Variants in LRCH1 observed in about 807,000 individuals in gnomAD.
The protein encoded by LRCH1 is leucine rich repeats and calponin homology domain containing 1, also known as leucine-rich repeat and calponin homology domain-containing protein 1.
In LRCH1, 23 loss-of-function variants were observed where a neutral mutation model predicts 94.9. That is an observed-to-expected ratio of 0.24 (90% confidence interval 0.17 to 0.34). LRCH1 has a LOEUF of 0.34. LRCH1 is among the 10% of genes least tolerant of loss of function. The pLI, the probability that LRCH1 is intolerant of heterozygous loss-of-function variation, is 1.00. For synonymous variants in LRCH1, 364 were observed against 354.9 expected, an observed-to-expected ratio of 1.03 and a Z score of -0.29; for missense variants, 790 against 945.9, an observed-to-expected ratio of 0.84 and a Z score of 2.16.
Position 46,664,180 on chromosome 13 carries a change from A to G in LRCH1, c.453-4850A>G, listed in dbSNP as rs1455862670. On this transcript the variant is annotated intron_variant, in intron 2 of 19. Coordinates refer to ENST00000389797, the MANE Select transcript of LRCH1 (RefSeq NM_001164211.2). ...GGTATATGTTTTCAGTGAGGGAAAC[A>G]TTAAACCATATTTTAAAGGTGGCTA... Among the ~76,000 whole-genome samples, 3 of 152,242 alleles carry G rather than the reference A, an allele frequency of 2.0e-5. 1 individual carries two copies. The highest frequency in any genetic ancestry group is 2.0e-4 in the Admixed American group (3 of 15,290).
chr13:46,707,837 A>G (rs1871846532), intron 13 of LRCH1, among the ~76,000 whole-genome samples: 1 of 152,182 alleles, frequency 6.6e-6, no homozygotes, highest in Admixed American at 6.5e-5. Context: ...GTCAAGCACC[A>G]CTCTGGACAC....
intron 1 of LRCH1, among the ~76,000 whole-genome samples, chr13:46,563,214 A>G (rs1425324690): frequency 1.3e-5 from 2 of 152,230 alleles, no homozygotes; most frequent in Admixed American, 6.5e-5. Context: ...ATATAAAGGC[A>G]TAGTTCCACC....
At chr13:46,586,486 G>C (rs947324100) in intron 1 of LRCH1, among the ~76,000 whole-genome samples, 33 of 152,148 alleles carry the variant, frequency 2.2e-4, no homozygotes, top group African/African-American at 8.0e-4. Flanking sequence ...TGCAATCTTA[G>C]CTCACTGCAG....
At chr13:46,601,286 C>T (rs1391347997) in intron 1 of LRCH1, among the ~76,000 whole-genome samples, 1 of 152,190 alleles carries the variant, frequency 6.6e-6, no homozygotes, top group African/African-American at 2.4e-5. Flanking sequence ...CTACAGAAAA[C>T]AGCAAAGCAT....
chr13:46,635,902 C>T (rs181383006), intron 1 of LRCH1, among the ~76,000 whole-genome samples: 216 of 152,150 alleles, frequency 1.4e-3, no homozygotes, highest in Middle Eastern at 3.4e-3. Flanking sequence ...ATACCATGCC[C>T]CTCTCCAGCT....
intron 13 of LRCH1, among the ~76,000 whole-genome samples, chr13:46,709,600 T>C (rs1325658461): frequency 3.9e-5 from 6 of 152,146 alleles, no homozygotes; most frequent in Admixed American, 3.9e-4. Flanking sequence ...TAAAAACGCA[T>C]ATATACCTGT....
At chr13:46,713,572 T>C (rs990345139) in intron 15 of LRCH1, among the ~76,000 whole-genome samples, 2 of 152,246 alleles carry the variant, frequency 1.3e-5, no homozygotes, top group Non-Finnish European at 2.9e-5. Context: ...AATGGTTTCC[T>C]GGCAGTTTGA....
intron 16 of LRCH1, among the ~76,000 whole-genome samples, chr13:46,721,268 G>GA (rs992612060): frequency 4.6e-5 from 7 of 152,114 alleles, no homozygotes; most frequent in African/African-American, 1.7e-4. Flanking sequence ...ATTACCCCCA[G>GA]AAAAAAGGCA....
intron 1 of LRCH1, among the ~76,000 whole-genome samples, chr13:46,589,837 G>T (rs544290656): frequency 6.6e-6 from 1 of 151,832 alleles, no homozygotes; most frequent in East Asian, 1.9e-4. Flanking sequence ...CTGACCTCAG[G>T]TGATCCAATG....
chr13:46,716,359 A>G (rs532998809), intron 16 of LRCH1, among the ~76,000 whole-genome samples: 29 of 152,324 alleles, frequency 1.9e-4, no homozygotes, highest in Middle Eastern at 3.4e-3. Context: ...ACAATAAAAC[A>G]TAATTATTTA....
intron 17 of LRCH1, among the ~76,000 whole-genome samples, chr13:46,724,093 A>T (rs1872705846): frequency 6.6e-6 from 1 of 151,980 alleles, no homozygotes; most frequent in Admixed American, 6.6e-5. Flanking sequence ...GGCTAAAGTG[A>T]TCCTCCCACC....
Position 46,670,654 on chromosome 13 carries a change from TC to T in LRCH1, c.579+1506del, listed in dbSNP as rs10659453. 6.2e-5 allele frequency among the ~76,000 whole-genome samples: 9 copies of T among 144,702 alleles called. No individual in the cohort carries two copies. The East Asian group carries it at 8.5e-4, about 14-fold the overall frequency. The allele number at this position is 144,702 out of a possible 152,430, so 94.9% of individuals were successfully genotyped here. A position where few individuals can be genotyped will look rare whatever the true frequency, so the allele number is the denominator to read the frequency against. On this transcript the variant is annotated intron_variant, in intron 3 of 19. Coordinates refer to ENST00000389797, the MANE Select transcript of LRCH1 (RefSeq NM_001164211.2). ...TATTAATTTGAGCAGACACTGCCCA[TC>T]CCCCCCCAACCCTGTCCCCAAAAGT...
At chr13:46,724,048 G>A (rs1190607720) in intron 17 of LRCH1, among the ~76,000 whole-genome samples, 2 of 151,974 alleles carry the variant, frequency 1.3e-5, no homozygotes, top group South Asian at 2.1e-4. Context: ...GAGTGCAGTC[G>A]CATGATCTCG....
At chr13:46,594,611 A>G (rs2050538421) in intron 1 of LRCH1, among the ~76,000 whole-genome samples, 1 of 152,144 alleles carries the variant, frequency 6.6e-6, no homozygotes, top group Admixed American at 6.6e-5. Flanking sequence ...GTGGAGAGAG[A>G]GATGACTTCC....
At chr13:46,739,067 G>C (rs1295029817) in intron 19 of LRCH1, among the ~76,000 whole-genome samples, 1 of 151,846 alleles carries the variant, frequency 6.6e-6, no homozygotes, top group Non-Finnish European at 1.5e-5. Context: ...TTTATATTAA[G>C]ATTATATTTA....
chr13:46,584,712 C>T (rs2050411130), intron 1 of LRCH1, among the ~76,000 whole-genome samples: 1 of 152,162 alleles, frequency 6.6e-6, no homozygotes. Flanking sequence ...CTTTGATTTC[C>T]TCTTAAGTGC....
chr13:46,621,128 T>C (rs2050875212), intron 1 of LRCH1, among the ~76,000 whole-genome samples: 1 of 152,262 alleles, frequency 6.6e-6, no homozygotes, highest in Non-Finnish European at 1.5e-5. Context: ...TTCATCTTTC[T>C]CTTACTCTCT....
downstream of LRCH1, among the ~76,000 whole-genome samples, chr13:46,746,595 C>T (rs985695390): frequency 3.3e-5 from 5 of 152,286 alleles, no homozygotes; most frequent in Middle Eastern, 3.4e-3. Flanking sequence ...CAAAAATCTC[C>T]GGGATCCTAT....
At chr13:46,642,376 C>T (rs989821130) in intron 1 of LRCH1, among the ~76,000 whole-genome samples, 1 of 152,178 alleles carries the variant, frequency 6.6e-6, no homozygotes, top group African/African-American at 2.4e-5. Context: ...GTTCTTGGCT[C>T]TGCCACTTAC....
Sources: gnomAD v4.1 joint callset for allele counts (sites outside exome capture counted in the v4.1 genomes callset) on GRCh38, gnomAD v4.1.1 for gene constraint, MANE v1.5 for transcripts, NCBI Gene and HGNC (gene_info 2026-07-23, HGNC 2026-07-21) for gene names.